C2CD3: variants seen among roughly 807,000 people sequenced by gnomAD.
C2CD3 encodes C2 domain containing 3 centriole elongation regulator.
In C2CD3, 148 loss-of-function variants were observed where a neutral mutation model predicts 234.0. The ratio of observed to expected loss-of-function variants is 0.63; its 90% CI spans 0.55 to 0.72. C2CD3 has a LOEUF of 0.72. C2CD3 is among the 30% of genes least tolerant of loss of function. The pLI, the probability that C2CD3 is intolerant of heterozygous loss-of-function variation, is 0.00. For missense variants in C2CD3, 2,577 were observed against 2,811.5 expected (o/e 0.92, Z 1.89); for synonymous variants, 1,000 against 1,035.4 (o/e 0.97, Z 0.66).
intron 20 of C2CD3, among the ~76,000 whole-genome samples, chr11:74,090,544 G>GTCCTTACAAACCTT (rs1313351985): frequency 5.9e-5 from 9 of 152,180 alleles, no homozygotes; most frequent in Admixed American, 1.3e-4. Context: ...ATGGTTTGAT[G>GTCCTTACAAACCTT]GTGTAGGGTA....
intron 19 of C2CD3, chr11:74,091,481 A>T (rs1955891119): frequency 6.6e-6 from 1 of 152,428 alleles, no homozygotes; most frequent in East Asian, 1.9e-4. Flanking sequence ...CATAAAACCT[A>T]TTGTTTTGGC....
Position 74,042,198 on chromosome 11 carries a change from T to C in C2CD3, c.5516A>G (p.Gln1839Arg), listed in dbSNP as rs1396731358. ...CACATGCTCTTCATGGCGTGATGCT[T>C]GGCTTCTTGTGGTATCACTTCTGTC... ...SPGRSDTTRS[Q>R]ASRHEEHVQN... The change falls in exon 29 of 33, where the codon CAA becomes CGA. Residue 1839 changes from glutamine to arginine, a missense_variant. Coordinates refer to ENST00000334126, the MANE Select transcript of C2CD3 (RefSeq NM_001286577.2). The C allele has an allele frequency of 1.9e-6, 3 of 1,607,748 alleles. No individual in the cohort carries two copies. The highest frequency in any genetic ancestry group is 2.5e-6 in the Non-Finnish European group (3 of 1,178,374).
Position 74,013,518 on chromosome 11 carries a change from C to T in C2CD3, c.6929G>A (p.Ser2310Asn). 7.4e-7 allele frequency: 1 copy of T among 1,352,314 alleles called. No homozygotes were observed. The highest frequency in any genetic ancestry group is 9.5e-7 in the Non-Finnish European group (1 of 1,054,784). The allele number at this position is 1,352,314 out of a possible 1,614,324, so 83.8% of individuals were successfully genotyped here. A position where few individuals can be genotyped will look rare whatever the true frequency, so the allele number is the denominator to read the frequency against. The stretch of plus-strand genomic sequence containing the variant: ...GGAGAGAGCTCCCCTGGTGGCTTCG[C>T]TCTTGTCCTGGAGAGGAAGAAGTCA... ...PPAATTDQDKSEATRGALSQR... is the reference protein window; with the variant it reads ...PPAATTDQDKNEATRGALSQR... Residue 2310 changes from serine to asparagine, a missense_variant, in exon 33 of 33, where the codon AGC (serine) becomes AAC (asparagine). Ser to Asn is a conservative substitution (Grantham distance 46). Coordinates refer to ENST00000334126, the MANE Select transcript of C2CD3 (RefSeq NM_001286577.2).
rs78861057 is a variant in C2CD3 at position 74,092,824 on chromosome 11, G to A, written c.3345-236C>T. 2.6e-5 allele frequency among the ~76,000 whole-genome samples: 4 copies of A among 152,266 alleles called. No individual in the cohort carries two copies. The East Asian group carries it at 7.7e-4, about 29-fold the overall frequency. ...CCCTCAAGTTTTCTGTGCGGTAACT[G>A]TACATGCCTTGAACCTGTCGGGGGT... On this transcript the variant is annotated intron_variant, in intron 18 of 32. Transcript: ENST00000334126.
At position 74,103,162 on chromosome 11, in the gene C2CD3, C is replaced by A; in HGVS notation, c.2549G>T (p.Gly850Val). The change falls in exon 14 of 33, where the codon GGC becomes GTC. Residue 850 changes from glycine (G) to valine (V), a missense_variant. Physicochemically the swap from Gly to Val is moderately radical, Grantham distance 109. Transcript: ENST00000334126. ...AAAGTTAAAGACCGGTTGTGTTGTG[C>A]CCCATGCGATGACAGATCTGGTGAC... ...EEVTRSVIAW[G>V]TTQPVFNFSQ... 6.2e-7 allele frequency: 1 copy of A among 1,613,596 alleles called. No individual in the cohort carries two copies. The highest frequency in any genetic ancestry group is 1.1e-5 in the South Asian group (1 of 91,042).
chr11:74,145,803 G>A, intron 3 of C2CD3, among the ~76,000 whole-genome samples: 1 of 152,064 alleles, frequency 6.6e-6, no homozygotes, highest in Non-Finnish European at 1.5e-5. Context: ...TGAATAGGAA[G>A]TCCTTTCCCC....
intron 3 of C2CD3, among the ~76,000 whole-genome samples, chr11:74,141,764 G>T (rs1216448068): frequency 6.6e-6 from 1 of 152,108 alleles, no homozygotes; most frequent in Non-Finnish European, 1.5e-5. Context: ...GGAGGCAGGG[G>T]TAGGAGGATT....
intron 7 of C2CD3, among the ~76,000 whole-genome samples, chr11:74,127,476 AT>A (rs1308320958): frequency 3.0e-3 from 422 of 141,418 alleles, no homozygotes; most frequent in Non-Finnish European, 2.8e-3. Context: ...GGGTTGCTTA[AT>A]TTTTTTTTTT....
rs60280021 is a variant in C2CD3 at position 74,131,322 on chromosome 11, C to CAA, written c.1217+1520_1217+1521dup. On this transcript the variant is annotated intron_variant, in intron 7 of 32. Transcript: ENST00000334126. Reference sequence around the variant, plus strand: ...TAGGTGATACAGTGAGACTCGGTCTCAAAAAAAAAAAAAAACTATCTATCT... The same window carrying CAA: ...TAGGTGATACAGTGAGACTCGGTCTCAAAAAAAAAAAAAAAAACTATCTATCT... Among the ~76,000 whole-genome samples the CAA allele has an allele frequency of 3.8e-3, 381 of 100,870 alleles. 2 individuals are homozygous for CAA. Among genetic ancestry groups the CAA allele is most frequent in the Non-Finnish European group, 5.0e-3 (233 of 46,948 alleles). The allele number at this position is 100,870 out of a possible 152,430, so 66.2% of individuals were successfully genotyped here.
At chr11:74,034,641 T>G (rs1565212980) in intron 30 of C2CD3, 2 of 1,552,830 alleles carry the variant, frequency 1.3e-6, no homozygotes, top group Non-Finnish European at 1.8e-6. Context: ...AATCCACTTA[T>G]TTACCTATTT....
At chr11:74,131,344 ATCTG>A (rs1042370154) in intron 7 of C2CD3, among the ~76,000 whole-genome samples, 3 of 151,226 alleles carry the variant, frequency 2.0e-5, no homozygotes, top group African/African-American at 7.3e-5. Context: ...AAAACTATCT[ATCTG>A]TCTATCTCTC....
chr11:74,155,284 A>G (rs1855936037), intron 3 of C2CD3, among the ~76,000 whole-genome samples: 2 of 152,250 alleles, frequency 1.3e-5, no homozygotes, highest in South Asian at 2.1e-4. Flanking sequence ...ATATTATTGT[A>G]TGAATTGACA....
chr11:74,082,637 A>G (rs1955439589), intron 22 of C2CD3, among the ~76,000 whole-genome samples: 2 of 152,124 alleles, frequency 1.3e-5, no homozygotes, highest in African/African-American at 2.4e-5. Context: ...GATGAAGCCA[A>G]CTTGATCGTG....
rs753225437 is a variant in C2CD3, at chr11:74,092,575, T to C, written c.3358A>G (p.Asn1120Asp). ...FEIWCRYYYP[N>D]VRDQKVAKGT... ...TTGGCGACCTTCTGGTCTCTCACAT[T>C]AGGATAATAGTATCTGTAAACCACA... Residue 1120 changes from asparagine (N) to aspartate (D), a missense_variant, in exon 19 of 33, where the codon AAT (asparagine) becomes GAT (aspartate). By Grantham distance (23) the Asn-to-Asp change is conservative. Transcript: ENST00000334126. The C allele has an allele frequency of 6.2e-7, 1 of 1,612,070 alleles. No homozygotes were observed. The highest frequency in any genetic ancestry group is 8.5e-7 in the Non-Finnish European group (1 of 1,179,154).
At chr11:74,034,387 A>T in intron 30 of C2CD3, 109 bp from the exon 31 acceptor site, 2 of 1,489,864 alleles carry the variant, frequency 1.3e-6, no homozygotes, top group South Asian at 2.7e-5. Flanking sequence ...GACTCTGAAC[A>T]AACCATAAAG....
intron 2 of C2CD3, among the ~76,000 whole-genome samples, chr11:74,166,299 AGAGT>A (rs1447678449): frequency 4.7e-5 from 7 of 149,922 alleles, no homozygotes; most frequent in Non-Finnish European, 8.9e-5. Flanking sequence ...CCTGGGCAAC[AGAGT>A]GAGACTCCGT....
Position 74,092,485 on chromosome 11 carries a change from T to A in C2CD3, c.3448A>T (p.Ile1150Leu). ...VTTQHREDVG[I>L]QTFNLPLTPR... is the part of the protein sequence containing the mutation. ...GTTAAAGGGAGATTAAAGGTCTGTA[T>A]TCCCACATCCTCACGATGCTGGGTG... Residue 1150 changes from isoleucine (I) to leucine (L), a missense_variant, in exon 19 of 33, where the codon ATA (isoleucine) becomes TTA (leucine). Ile to Leu is a conservative substitution (Grantham distance 5, BLOSUM62 2). Transcript: ENST00000334126. The A allele has an allele frequency of 1.9e-6, 3 of 1,613,736 alleles. No homozygotes were observed. The highest frequency in any genetic ancestry group is 2.5e-6 in the Non-Finnish European group (3 of 1,179,630).
At chr11:74,059,767 A>G (rs956202481) in intron 24 of C2CD3, among the ~76,000 whole-genome samples, 5 of 152,318 alleles carry the variant, frequency 3.3e-5, no homozygotes, top group African/African-American at 1.2e-4. Context: ...TACCGGGTTC[A>G]TCTCACCGGG....
chr11:74,036,909 G>A (rs1952773328), intron 30 of C2CD3, among the ~76,000 whole-genome samples: 1 of 152,164 alleles, frequency 6.6e-6, no homozygotes, highest in Admixed American at 6.5e-5. Flanking sequence ...TACAGCCTGG[G>A]CATGGGGTTT....
Sources: gnomAD v4.1 joint callset for allele counts (sites outside exome capture counted in the v4.1 genomes callset) on GRCh38, gnomAD v4.1.1 for gene constraint, MANE v1.5 for transcripts, NCBI Gene and HGNC (gene_info 2026-07-23, HGNC 2026-07-21) for gene names.